The following PXDNL variants were observed in gnomAD, a reference collection of about 807,000 sequenced individuals.
PXDNL encodes peroxidasin like, also known as probable oxidoreductase PXDNL.
A neutral mutation model predicts 150.8 loss-of-function variants in PXDNL; 145 were observed. The observed-to-expected ratio is 0.96, with a 90% confidence interval of 0.84 to 1.10. PXDNL has a LOEUF of 1.10. Among genes scored for constraint, PXDNL ranks in the 50% least tolerant of loss-of-function variants. PXDNL has a pLI of 0.00. For missense variants in PXDNL, 2,087 were observed against 1,873.9 expected (o/e 1.11, Z -2.10); for synonymous variants, 757 against 725.7 (o/e 1.04, Z -0.69).
At chr8:51,642,473 C>G (rs536806582) in intron 2 of PXDNL, among the ~76,000 whole-genome samples, 12 of 152,198 alleles carry the variant, frequency 7.9e-5, no homozygotes, top group African/African-American at 2.2e-4. Flanking sequence ...CAGATAAGGC[C>G]TTTGACAAAA....
intron 5 of PXDNL, among the ~76,000 whole-genome samples, chr8:51,493,960 C>A (rs1810970748): frequency 6.6e-6 from 1 of 152,126 alleles, no homozygotes; most frequent in African/African-American, 2.4e-5. Context: ...AGAAGAGTAA[C>A]TCCAAGACAC....
intron 1 of PXDNL, among the ~76,000 whole-genome samples, chr8:51,762,762 C>G (rs2037178507): frequency 6.6e-6 from 1 of 152,114 alleles, no homozygotes; most frequent in South Asian, 2.1e-4. Context: ...CAGGACCTCC[C>G]GAGGGCTGTG....
chr8:51,355,034 G>A (rs2130731748), intron 19 of PXDNL, among the ~76,000 whole-genome samples: 1 of 152,188 alleles, frequency 6.6e-6, no homozygotes, highest in Admixed American at 6.5e-5. Context: ...ACAGACCCAA[G>A]GAGAGTGGGA....
chr8:51,746,401 C>T (rs1350449176), intron 1 of PXDNL, among the ~76,000 whole-genome samples: 1 of 152,078 alleles, frequency 6.6e-6, no homozygotes, highest in African/African-American at 2.4e-5. Context: ...AGTTGATTTT[C>T]TCCCCTGTCC....
At chr8:51,724,500 G>A (rs887344459) in intron 1 of PXDNL, among the ~76,000 whole-genome samples, 15 of 152,158 alleles carry the variant, frequency 9.9e-5, no homozygotes, top group Middle Eastern at 3.4e-3. Flanking sequence ...GAAAAAAAAA[G>A]GAAAAATCAG....
chr8:51,490,839 G>C (rs1185867721), intron 5 of PXDNL, among the ~76,000 whole-genome samples: 1 of 151,640 alleles, frequency 6.6e-6, no homozygotes, highest in Non-Finnish European at 1.5e-5. Flanking sequence ...AGTTGAAAAT[G>C]AATGAAATAA....
intron 2 of PXDNL, among the ~76,000 whole-genome samples, chr8:51,644,831 A>G (rs900636896): frequency 6.6e-5 from 10 of 151,760 alleles, no homozygotes; most frequent in Admixed American, 3.3e-4. Flanking sequence ...CTAGGAGCTC[A>G]CGTCAGAAAA....
Position 51,654,721 on chromosome 8 carries a change from G to A in PXDNL, c.204C>T (p.Ser68=), listed in dbSNP as rs368766303. ...RFNRIREIPG[S]AFKKLKNLNT... is the part of the protein sequence containing the mutation. ...TCAAATTCTTGAGTTTCTTGAAGGCGCTCCCTGGAATTTCTCTTATTCTGT... is the reference window on the plus strand; with the variant it reads ...TCAAATTCTTGAGTTTCTTGAAGGCACTCCCTGGAATTTCTCTTATTCTGT... The change falls in exon 2 of 23, where the codon AGC becomes AGT. Residue 68 remains serine (S), a synonymous_variant. Transcript: ENST00000356297. 1.2e-4 allele frequency: 188 copies of A among 1,613,116 alleles called. 1 individual carries two copies. The highest frequency in any genetic ancestry group is 1.6e-4 in the Middle Eastern group (1 of 6,082).
intron 8 of PXDNL, among the ~76,000 whole-genome samples, chr8:51,467,737 A>G (rs1305224192): frequency 1.3e-5 from 2 of 152,072 alleles, no homozygotes; most frequent in African/African-American, 4.8e-5. Flanking sequence ...AGCCCAAGTC[A>G]TTAGTTTTGC....
At chr8:51,686,337 G>T (rs564056127) in intron 1 of PXDNL, among the ~76,000 whole-genome samples, 1 of 152,348 alleles carries the variant, frequency 6.6e-6, no homozygotes, top group Admixed American at 6.5e-5. Context: ...TCCCAGCCTG[G>T]AATGATTCAT....
intron 4 of PXDNL, among the ~76,000 whole-genome samples, chr8:51,522,299 T>A (rs375333497): frequency 6.6e-6 from 1 of 152,170 alleles, no homozygotes; most frequent in Non-Finnish European, 1.5e-5. Flanking sequence ...GTATTTGTAG[T>A]CCCTCTTGTT....
At chr8:51,750,393 C>T (rs534788780) in intron 1 of PXDNL, among the ~76,000 whole-genome samples, 3 of 152,162 alleles carry the variant, frequency 2.0e-5, no homozygotes, top group Non-Finnish European at 4.4e-5. Flanking sequence ...TTCTGAAGGA[C>T]CTGTCTGAGG....
chr8:51,484,070 C>T (rs1337727123), intron 5 of PXDNL, among the ~76,000 whole-genome samples: 2 of 152,140 alleles, frequency 1.3e-5, no homozygotes, highest in Non-Finnish European at 2.9e-5. Flanking sequence ...ATACATATAT[C>T]AAATCAGCAT....
At chr8:51,326,879 T>C (rs1338221950) in intron 21 of PXDNL, among the ~76,000 whole-genome samples, 1 of 152,128 alleles carries the variant, frequency 6.6e-6, no homozygotes, top group African/African-American at 2.4e-5. Flanking sequence ...GTATTGCAGA[T>C]GTAACTAGTT....
At chr8:51,729,160 A>G (rs1441986659) in intron 1 of PXDNL, among the ~76,000 whole-genome samples, 1 of 152,238 alleles carries the variant, frequency 6.6e-6, no homozygotes, top group East Asian at 1.9e-4. Context: ...TAAGTAACAC[A>G]TAACTTAAAC....
At chr8:51,586,993 C>A in intron 3 of PXDNL, among the ~76,000 whole-genome samples, 1 of 152,136 alleles carries the variant, frequency 6.6e-6, no homozygotes, top group East Asian at 1.9e-4. Flanking sequence ...AGAGATGCAT[C>A]AGTTTTTTGC....
intron 14 of PXDNL, among the ~76,000 whole-genome samples, chr8:51,417,163 A>T (rs902758094): frequency 6.6e-6 from 1 of 152,240 alleles, no homozygotes; most frequent in African/African-American, 2.4e-5. Flanking sequence ...GGAATAGAAC[A>T]ATCAGAAAAT....
chr8:51,574,052 C>T (rs896366881), intron 3 of PXDNL, among the ~76,000 whole-genome samples: 16 of 151,914 alleles, frequency 1.1e-4, no homozygotes, highest in African/African-American at 2.2e-4. Flanking sequence ...GACTTTCTTA[C>T]GGCAGCCCTA....
At chr8:51,608,023 A>AAG (rs1319898044) in intron 2 of PXDNL, among the ~76,000 whole-genome samples, 10 of 92,652 alleles carry the variant, frequency 1.1e-4, no homozygotes, top group African/African-American at 5.0e-4. Context: ...GAAAGAAAGA[A>AAG]AGAAAGAAAG....
Sources: allele counts gnomAD v4.1 joint callset (sites outside exome capture counted in the v4.1 genomes callset), GRCh38; gene constraint gnomAD v4.1.1; transcripts MANE v1.5; gene names NCBI Gene and HGNC (gene_info 2026-07-23, HGNC 2026-07-21).